The following CDH13 variants were observed in gnomAD, a reference collection of about 807,000 sequenced individuals.
CDH13 encodes cadherin 13.
A neutral mutation model predicts 63.8 loss-of-function variants in CDH13; 24 were observed. The ratio of observed to expected loss-of-function variants is 0.38; its 90% CI spans 0.27 to 0.53. The LOEUF is 0.53. Among genes scored for constraint, CDH13 ranks in the 20% least tolerant of loss-of-function variants. CDH13 has a pLI of 0.85. For missense variants in CDH13, 1,049 were observed against 903.1 expected (o/e 1.16, Z -2.07); for synonymous variants, 503 against 355.3 (o/e 1.42, Z -4.67).
At chr16:82,760,515 T>G (rs1259806802) in intron 1 of CDH13, among the ~76,000 whole-genome samples, 1 of 152,194 alleles carries the variant, frequency 6.6e-6, no homozygotes. Context: ...ATTCATAGTT[T>G]GGACCCTGTT....
At chr16:82,850,582 C>G (rs1262962709) in intron 1 of CDH13, among the ~76,000 whole-genome samples, 2 of 152,130 alleles carry the variant, frequency 1.3e-5, no homozygotes, top group African/African-American at 4.8e-5. Context: ...TTTGAGAGGA[C>G]TGCTTTCTAT....
intron 4 of CDH13, among the ~76,000 whole-genome samples, chr16:83,204,165 G>A (rs541868896): frequency 6.6e-6 from 1 of 152,278 alleles, no homozygotes; most frequent in East Asian, 1.9e-4. Context: ...ATGCCTTGTT[G>A]GGTCTACTGG....
At chr16:83,561,480 A>G (rs543971863) in intron 7 of CDH13, among the ~76,000 whole-genome samples, 1 of 151,106 alleles carries the variant, frequency 6.6e-6, no homozygotes, top group East Asian at 2.0e-4. Context: ...ATCAAAGTAT[A>G]TTTTCCTCCT....
At chr16:83,513,226 C>T (rs992718138) in intron 7 of CDH13, among the ~76,000 whole-genome samples, 1 of 152,110 alleles carries the variant, frequency 6.6e-6, no homozygotes, top group Non-Finnish European at 1.5e-5. Flanking sequence ...GATCCATGTT[C>T]ACATCTGAAT....
intron 1 of CDH13, among the ~76,000 whole-genome samples, chr16:82,768,342 A>G (rs2151093055): frequency 6.6e-6 from 1 of 152,292 alleles, no homozygotes; most frequent in Middle Eastern, 3.4e-3. Flanking sequence ...AATTAGTTTC[A>G]TTGATATTGT....
chr16:83,045,124 C>T (rs1008775193), intron 3 of CDH13, among the ~76,000 whole-genome samples: 38 of 152,034 alleles, frequency 2.5e-4, no homozygotes, highest in Non-Finnish European at 4.6e-4. Context: ...GGCATGACTC[C>T]TATTAGAGAT....
chr16:83,585,083 C>G (rs551384939), intron 7 of CDH13, among the ~76,000 whole-genome samples: 1 of 152,258 alleles, frequency 6.6e-6, no homozygotes, highest in South Asian at 2.1e-4. Flanking sequence ...CAAACCGTAT[C>G]AGATGCTCCC....
At chr16:83,730,696 C>T (rs183636976) in intron 10 of CDH13, among the ~76,000 whole-genome samples, 37 of 152,176 alleles carry the variant, frequency 2.4e-4, no homozygotes, top group Admixed American at 1.8e-3. Flanking sequence ...TTCAGGGGGT[C>T]CATGGGCAGG....
intron 1 of CDH13, among the ~76,000 whole-genome samples, chr16:82,655,355 T>C (rs531126324): frequency 6.6e-6 from 1 of 152,232 alleles, no homozygotes; most frequent in Non-Finnish European, 1.5e-5. Context: ...AGGGGAGGTG[T>C]CCTGGAGAGG....
intron 4 of CDH13, among the ~76,000 whole-genome samples, chr16:83,185,148 T>C (rs2038478943): frequency 6.6e-6 from 1 of 152,150 alleles, no homozygotes; most frequent in South Asian, 2.1e-4. Context: ...CAGCTGGTCG[T>C]GGCAGCACTG....
At chr16:82,697,732 C>A (rs913646933) in intron 1 of CDH13, among the ~76,000 whole-genome samples, 1 of 147,790 alleles carries the variant, frequency 6.8e-6, no homozygotes, top group African/African-American at 2.6e-5. Context: ...CTGGCTGGGC[C>A]GAGGCATTGT....
chr16:83,719,907 A>G (rs3784957), intron 10 of CDH13, among the ~76,000 whole-genome samples: 17,357 of 152,208 alleles, frequency 0.11, 1,228 homozygotes, highest in Admixed American at 0.16. Context: ...GCACTGCAGC[A>G]TAGGGGACAG....
chr16:83,786,508 C>T (rs1227789622), intron 13 of CDH13, among the ~76,000 whole-genome samples: 1 of 151,998 alleles, frequency 6.6e-6, no homozygotes, highest in Non-Finnish European at 1.5e-5. Context: ...TGAAAGGAAA[C>T]ATATTTCTCC....
At chr16:83,312,613 C>G (rs1285484652) in intron 5 of CDH13, among the ~76,000 whole-genome samples, 2 of 152,118 alleles carry the variant, frequency 1.3e-5, no homozygotes, top group African/African-American at 2.4e-5. Flanking sequence ...ACACCCCTGC[C>G]AGGTCTACAG....
chr16:83,390,192 C>T (rs766685702), intron 6 of CDH13, among the ~76,000 whole-genome samples: 3 of 152,178 alleles, frequency 2.0e-5, no homozygotes, highest in Non-Finnish European at 2.9e-5. Flanking sequence ...CACTCAATTT[C>T]ATCGAAGCCC....
At chr16:82,861,761 C>G (rs926219561) in intron 2 of CDH13, among the ~76,000 whole-genome samples, 3 of 152,158 alleles carry the variant, frequency 2.0e-5, no homozygotes, top group African/African-American at 7.2e-5. Flanking sequence ...TTTCCACTAA[C>G]TGGACTTGCT....
At chr16:83,402,691 C>G (rs1179006631) in intron 6 of CDH13, among the ~76,000 whole-genome samples, 1 of 152,124 alleles carries the variant, frequency 6.6e-6, no homozygotes, top group Non-Finnish European at 1.5e-5. Context: ...TGACTAAAGT[C>G]AAGCATTAGC....
At chr16:83,265,290 C>A (rs1467573156) in intron 5 of CDH13, among the ~76,000 whole-genome samples, 2 of 152,118 alleles carry the variant, frequency 1.3e-5, no homozygotes, top group Non-Finnish European at 2.9e-5. Context: ...TTTCCCAAAT[C>A]CTTTCTCTTT....
At chr16:82,964,442 G>A (rs1907512563) in intron 2 of CDH13, among the ~76,000 whole-genome samples, 1 of 152,198 alleles carries the variant, frequency 6.6e-6, no homozygotes, top group South Asian at 2.1e-4. Context: ...CAGCGGCTTA[G>A]CCCATTAAAC....
Sources: gnomAD v4.1 joint callset for allele counts (sites outside exome capture counted in the v4.1 genomes callset) on GRCh38, gnomAD v4.1.1 for gene constraint, MANE v1.5 for transcripts, NCBI Gene and HGNC (gene_info 2026-07-23, HGNC 2026-07-21) for gene names.